Variants in UBA2 observed in about 807,000 individuals in gnomAD.
UBA2 encodes the protein ubiquitin like modifier activating enzyme 2, also known as SUMO-activating enzyme subunit 2.
Under a neutral mutation model 77.2 loss-of-function variants are expected in UBA2, and 11 were observed. The observed-to-expected ratio is 0.14, with a 90% confidence interval of 0.09 to 0.24. The LOEUF is 0.24. Ranked by LOEUF, UBA2 falls within the 10% of genes least tolerant of loss-of-function variation. The pLI is 1.00. For missense variants in UBA2, 487 were observed against 781.7 expected (o/e 0.62, Z 4.50); for synonymous variants, 278 against 276.7 (o/e 1.00, Z -0.05).
rs947938284 is a variant in UBA2 at position 34,471,168 on chromosome 19, T to C, written c.*1947T>C. On this transcript the variant is annotated 3_prime_UTR_variant, in exon 17 of 17. Coordinates refer to ENST00000246548, the MANE Select transcript of UBA2 (RefSeq NM_005499.3). ...CAGAGAACAGAAAGCCATTAAGCTG[T>C]TTCCCCTATTGTATTCATGTGCCCT... The C allele has an allele frequency of 6.6e-6, 1 of 152,212 alleles. No homozygotes were observed. The highest frequency in any genetic ancestry group is 2.4e-5 in the African/African-American group (1 of 41,450). The allele number at this position is 152,212 out of a possible 1,614,324, so 9.4% of individuals were successfully genotyped here.
chr19:34,453,402 G>A (rs992582793), intron 10 of UBA2, among the ~76,000 whole-genome samples: 39 of 151,846 alleles, frequency 2.6e-4, no homozygotes, highest in African/African-American at 9.2e-4. Context: ...AACTTGGATT[G>A]TATTGCCTTA....
intron 12 of UBA2, among the ~76,000 whole-genome samples, chr19:34,457,385 A>G (rs1336372587): frequency 1.3e-5 from 2 of 151,656 alleles, no homozygotes; most frequent in Admixed American, 1.3e-4. Context: ...ATATAGTAAT[A>G]TATCTGGATT....
chr19:34,438,645 G>T lies in UBA2; in HGVS notation c.460G>T (p.Gly154Cys). The change falls in exon 6 of 17, where the codon GGT (glycine) becomes TGT (cysteine). Residue 154 changes from glycine to cysteine, a missense_variant and splice_region_variant. Transcript: ENST00000246548. ...YLGQVTTIKK[G>C]VTECYECHPK... ...TTTTTCTCATATCCTGACTTCATAG[G>T]GTGTGACCGAGTGTTATGAGTGTCA... The T allele has an allele frequency of 6.2e-7, 1 of 1,613,886 alleles. No individual in the cohort carries two copies. The highest frequency in any genetic ancestry group is 8.5e-7 in the Non-Finnish European group (1 of 1,179,936).
intron 1 of UBA2, 53 bp from the exon 2 acceptor site, chr19:34,430,523 A>C: frequency 7.2e-7 from 1 of 1,387,280 alleles, no homozygotes; most frequent in African/African-American, 1.4e-5. Flanking sequence ...GTAGTGATAC[A>C]GCTCAAACAT....
At chr19:34,444,033 GTTTTTTTTTTGT>G in intron 7 of UBA2, 122 bp downstream of exon 7, 15 of 202,722 alleles carry the variant, frequency 7.4e-5, no homozygotes, top group Non-Finnish European at 8.8e-5. Context: ...TTTAACATGT[GTTTTTTTTTTGT>G]TTTTTTTTTT....
At chr19:34,462,812 A>G (rs560943950) in intron 14 of UBA2, among the ~76,000 whole-genome samples, 15 of 152,234 alleles carry the variant, frequency 9.9e-5, no homozygotes, top group Admixed American at 3.9e-4. Flanking sequence ...GTAAAAATAC[A>G]AAAATTAGGC....
chr19:34,463,262 A>G (rs1051639019), intron 14 of UBA2, among the ~76,000 whole-genome samples: 1 of 151,894 alleles, frequency 6.6e-6, no homozygotes, highest in African/African-American at 2.4e-5. Context: ...GAATGGGGAA[A>G]AGTTTTCAGA....
intron 6 of UBA2, among the ~76,000 whole-genome samples, chr19:34,442,108 G>A (rs1038010858): frequency 1.3e-5 from 2 of 152,008 alleles, no homozygotes; most frequent in African/African-American, 4.8e-5. Flanking sequence ...GGTGGCACAT[G>A]CCTGTGGTCC....
intron 10 of UBA2, among the ~76,000 whole-genome samples, chr19:34,453,943 A>G (rs2075530284): frequency 6.6e-6 from 1 of 152,084 alleles, no homozygotes; most frequent in South Asian, 2.1e-4. Context: ...AGTGAGTGGA[A>G]TTGAGATTCC....
At position 34,452,040 on chromosome 19, in the gene UBA2, C is replaced by A; in HGVS notation, c.931C>A (p.Gln311Lys). ...NEPQLGLKDQ[Q>K]VLDVKSYARL... ...ACCCCAGTTAGGCCTGAAAGACCAG[C>A]AGGTTCTAGATGTAAAGAGCTATGC... is the stretch of plus-strand genomic sequence containing the variant. The change falls in exon 10 of 17, where the codon CAG becomes AAG. Residue 311 changes from glutamine (Q) to lysine (K), a missense_variant. Around this residue, in one of 9 missense-constraint regions of UBA2, gnomAD observed 300 missense variants for 454.3 expected, o/e 0.66. Transcript: ENST00000246548. The A allele has an allele frequency of 5.0e-6, 8 of 1,608,372 alleles. No homozygotes were observed. Among genetic ancestry groups the A allele is most frequent in the Non-Finnish European group, 6.8e-6 (8 of 1,176,350 alleles).
Position 34,448,621 on chromosome 19 carries a change from G to T in UBA2, c.772-1644G>T, listed in dbSNP as rs144433442. Among the ~76,000 whole-genome samples the T allele has an allele frequency of 3.8e-4, 58 of 152,266 alleles. No homozygotes were observed. The East Asian group carries it at 8.1e-3, about 21-fold the overall frequency. On this transcript the variant is annotated intron_variant, in intron 8 of 16. Coordinates refer to ENST00000246548, the MANE Select transcript of UBA2 (RefSeq NM_005499.3). ...TTCTCCGATATAAGTGAGCTGGGAG[G>T]CAGATGTGTGTAGAGGGGTTGGGGG... is the stretch of plus-strand genomic sequence containing the variant.
chr19:34,463,966 ATCAACC>A, intron 14 of UBA2, 54 bp from the exon 15 acceptor site: 1 of 1,262,876 alleles, frequency 7.9e-7, no homozygotes, highest in South Asian at 1.2e-5. Context: ...TTTTTAAAAA[ATCAACC>A]TGACTGCTCT....
rs4313908 is a variant in UBA2, at chr19:34,466,998, G to A, written c.1725G>A (p.Gln575=). ...CCAATGGCAGTGATGATGGAGCTCA[G>A]CCCTCCACCTCCACAGGTGAGTATG... is the stretch of plus-strand genomic sequence containing the variant. ...SITNGSDDGA[Q]PSTSTAQEQD... The change falls in exon 16 of 17, where the codon CAG becomes CAA. Residue 575 remains glutamine, a synonymous_variant. Transcript: ENST00000246548. 8 of 1,614,048 alleles carry A rather than the reference G, an allele frequency of 5.0e-6. No homozygotes were observed. The highest frequency in any genetic ancestry group is 6.8e-6 in the Non-Finnish European group (8 of 1,179,948).
chr19:34,450,851 C>T (rs936040539), intron 9 of UBA2, among the ~76,000 whole-genome samples: 16 of 151,072 alleles, frequency 1.1e-4, no homozygotes, highest in Middle Eastern at 3.4e-3. Flanking sequence ...GCGATTCTCC[C>T]GCCTCAGCCT....
At chr19:34,430,811 G>T (rs2075244755) in intron 2 of UBA2, 152 bp downstream of exon 2, 2 of 592,510 alleles carry the variant, frequency 3.4e-6, no homozygotes, top group Non-Finnish European at 5.9e-6. Context: ...TCAAGTAAAG[G>T]ACTAAAGATT....
chr19:34,429,346 GT>G, intron 1 of UBA2: 1 of 701,190 alleles, frequency 1.4e-6, no homozygotes, highest in Non-Finnish European at 1.8e-6. Context: ...GATTGGAGAT[GT>G]TACTGGCCCT....
chr19:34,456,769 G>T (rs1025404465), intron 12 of UBA2, among the ~76,000 whole-genome samples: 6 of 151,964 alleles, frequency 3.9e-5, no homozygotes, highest in Non-Finnish European at 7.4e-5. Context: ...TGTTAGCCAG[G>T]CTGGTCATGA....
intron 9 of UBA2, among the ~76,000 whole-genome samples, chr19:34,451,151 G>A (rs2075491122): frequency 6.6e-6 from 1 of 152,018 alleles, no homozygotes. Context: ...GTATGCAACT[G>A]TGCCCAGCAT....
At chr19:34,430,725 C>T in intron 2 of UBA2, 66 bp downstream of exon 2, 2 of 1,307,192 alleles carry the variant, frequency 1.5e-6, no homozygotes, top group South Asian at 2.4e-5. Context: ...CCAGATTAAT[C>T]CTGCCTGTCA....
Sources: allele counts gnomAD v4.1 joint callset (sites outside exome capture counted in the v4.1 genomes callset), GRCh38; gene constraint gnomAD v4.1.1; regional missense constraint gnomAD v4.1.1; transcripts MANE v1.5; gene names NCBI Gene and HGNC (gene_info 2026-07-23, HGNC 2026-07-21).